The following ESS2 variants were observed in gnomAD, a reference collection of about 807,000 sequenced individuals.
ESS2 encodes ess-2 spliceosome associated protein.
A neutral mutation model predicts 52.0 loss-of-function variants in ESS2; 31 were observed. The observed-to-expected ratio is 0.60, with a 90% CI of 0.45 to 0.81. The LOEUF is 0.81. Among genes scored for constraint, ESS2 ranks in the 30% least tolerant of loss-of-function variants. The pLI is 0.00. For missense variants in ESS2, 602 were observed against 637.2 expected (o/e 0.94, Z 0.59); for synonymous variants, 285 against 259.2 (o/e 1.10, Z -0.95).
rs747353336 is a variant in ESS2 at position 19,144,496 on chromosome 22, G to A, written c.135+10C>T. On this transcript the variant is annotated intron_variant, in intron 1 of 9. Transcript: ENST00000252137. ...CCCAGAAGTCGCCGGCGTCCGCACC[G>A]AGGTCGTACCTCGATATACTCTTCC... The A allele has an allele frequency of 1.9e-6, 3 of 1,611,232 alleles. No individual in the cohort carries two copies. The highest frequency in any genetic ancestry group is 2.2e-5 in the South Asian group (2 of 91,042).
At chr22:19,140,758 C>T (rs2083672572) in intron 3 of ESS2, among the ~76,000 whole-genome samples, 1 of 152,222 alleles carries the variant, frequency 6.6e-6, no homozygotes, top group African/African-American at 2.4e-5. Flanking sequence ...AGGCTATGCA[C>T]AAGGCACAGT....
Position 19,139,944 on chromosome 22 carries a change from C to T in ESS2, c.481G>A (p.Ala161Thr), listed in dbSNP as rs2083655614. Residue 161 changes from alanine (A) to threonine (T), a missense_variant, in exon 4 of 10, where the codon GCC (alanine) becomes ACC (threonine). Transcript: ENST00000252137. ...ACCTCCATGATCTCCTGGAAGGAGG[C>T]ATTGTCCTCACTCGTGTAGCGGCTC... ...FLSRYTSEDNASFQEIMEVAK... is the reference protein window; with the variant it reads ...FLSRYTSEDNTSFQEIMEVAK... 1 of 1,614,068 alleles carries T rather than the reference C, an allele frequency of 6.2e-7. No individual in the cohort carries two copies.
At chr22:19,139,563 A>C in intron 5 of ESS2, 49 bp downstream of exon 5, 1 of 1,551,536 alleles carries the variant, frequency 6.4e-7, no homozygotes, top group Non-Finnish European at 8.9e-7. Flanking sequence ...CCAGACACAC[A>C]CAGCTCTACC....
intron 1 of ESS2, among the ~76,000 whole-genome samples, chr22:19,143,120 G>C (rs1236339111): frequency 6.8e-5 from 10 of 146,636 alleles, no homozygotes; most frequent in Non-Finnish European, 4.4e-5. Flanking sequence ...CAGAAGAATC[G>C]CTTAAACTCG....
chr22:19,140,075 A>C, intron 3 of ESS2, 51 bp from the exon 4 acceptor site: 1 of 1,595,778 alleles, frequency 6.3e-7, no homozygotes, highest in Non-Finnish European at 8.5e-7. Context: ...CAGTCAGGAA[A>C]GAGGAGGACA....
In ESS2 at chr22:19,134,253, G is replaced by T. The variant is rs768834089; in HGVS notation, c.1374C>A (p.Ser458=). The change falls in exon 10 of 10, where the codon TCC becomes TCA. Residue 458 remains serine, a synonymous_variant. Coordinates refer to ENST00000252137, the MANE Select transcript of ESS2 (RefSeq NM_022719.3). ...GGAGCTGCAGCAGGTTGTCCGTGATGGAGGCCGGGTCCTGTGTGAGAGGGG... is the reference window on the plus strand; with the variant it reads ...GGAGCTGCAGCAGGTTGTCCGTGATTGAGGCCGGGTCCTGTGTGAGAGGGG... ...TRTPLTQDPA[S]ITDNLLQLPA... 7.1e-6 allele frequency: 11 copies of T among 1,558,826 alleles called. No homozygotes were observed. The highest frequency in any genetic ancestry group is 9.6e-6 in the Non-Finnish European group (11 of 1,149,888).
intron 1 of ESS2, among the ~76,000 whole-genome samples, 172 bp from the exon 2 acceptor site, chr22:19,143,066 G>C (rs1282478138): frequency 1.3e-5 from 2 of 152,000 alleles, no homozygotes; most frequent in Admixed American, 6.6e-5. Context: ...TTAGCCGGGC[G>C]TGGTGGCAGG....
intron 5 of ESS2, 61 bp from the exon 6 acceptor site, chr22:19,139,353 G>C: frequency 1.3e-6 from 2 of 1,508,832 alleles, no homozygotes; most frequent in Non-Finnish European, 1.8e-6. Context: ...AGGAGCATGA[G>C]GAGCTCGCTT....
In ESS2 at chr22:19,131,817, G is replaced by A. The variant is rs200075245; in HGVS notation, c.*2379C>T. 9.3e-6 allele frequency: 15 copies of A among 1,614,008 alleles called. No homozygotes were observed. The highest frequency in any genetic ancestry group is 1.3e-5 in the African/African-American group (1 of 74,904). On this transcript the variant is annotated 3_prime_UTR_variant, in exon 10 of 10. Transcript: ENST00000252137. This position sits in a 1 kb window ranked among gnomAD's most constrained non-coding sequence, Gnocchi z 5.7. Reference sequence around the variant, plus strand: ...CATCGTCCACCGGGACCTCAAGTGCGAGAACCTTCTCCTCGACAAGGACTT... The same window carrying A: ...CATCGTCCACCGGGACCTCAAGTGCAAGAACCTTCTCCTCGACAAGGACTT...
Position 19,139,194 on chromosome 22 carries a change from A to G in ESS2, c.787T>C (p.Cys263Arg), listed in dbSNP as rs762361491. ...RDPFSQALSR[C>R]QLQQAAALNA... ...AGGGCGGCTGCCTGCTGGAGCTGGC[A>G]CCTGCTCAGGGCTTGGCTGAAGGGG... Residue 263 changes from cysteine (C) to arginine (R), a missense_variant, in exon 6 of 10, where the codon TGC (cysteine) becomes CGC (arginine). By Grantham distance (180) the Cys-to-Arg change is radical (BLOSUM62 -3). Coordinates refer to ENST00000252137, the MANE Select transcript of ESS2 (RefSeq NM_022719.3). 3.1e-6 allele frequency: 5 copies of G among 1,605,696 alleles called. No homozygotes were observed. Among genetic ancestry groups the G allele is most frequent in the Non-Finnish European group, 4.3e-6 (5 of 1,175,852 alleles).
intron 8 of ESS2, 106 bp from the exon 9 acceptor site, chr22:19,135,281 T>C: frequency 4.5e-6 from 4 of 880,168 alleles, no homozygotes; most frequent in Non-Finnish European, 5.3e-6. Context: ...CTTTGTTGCC[T>C]ACAAAACCCC....
chr22:19,136,031 TAA>T lies in ESS2; in HGVS notation c.1036-858_1036-857del, dbSNP rs377121962. 3.3e-4 allele frequency among the ~76,000 whole-genome samples: 31 copies of T among 92,540 alleles called. 1 individual carries two copies. The South Asian group carries it at 9.3e-3, about 28-fold the overall frequency. The allele number at this position is 92,540 out of a possible 152,430, so 60.7% of individuals were successfully genotyped here. On this transcript the variant is annotated intron_variant, in intron 8 of 9. Coordinates refer to ENST00000252137, the MANE Select transcript of ESS2 (RefSeq NM_022719.3). ...GGCAACAGAGTGAAACCCTATCTGT[TAA>T]AAAAAAAAAAAAAAAAAAAAAAGAG...
At chr22:19,138,923 C>T (rs1309295938) in intron 6 of ESS2, among the ~76,000 whole-genome samples, 5 of 152,212 alleles carry the variant, frequency 3.3e-5, no homozygotes, top group Non-Finnish European at 5.9e-5. Context: ...TTCTCTCCTG[C>T]CCCTGCCATC....
chr22:19,137,016 A>G (rs1000008133), intron 8 of ESS2, among the ~76,000 whole-genome samples: 1 of 152,104 alleles, frequency 6.6e-6, no homozygotes, highest in Non-Finnish European at 1.5e-5. Flanking sequence ...TATGGCCCTC[A>G]GGCCTGCAGA....
rs1287762718 is a variant in ESS2 at position 19,139,990 on chromosome 22, C to T, written c.435G>A (p.Leu145=). 1 of 1,613,976 alleles carries T rather than the reference C, an allele frequency of 6.2e-7. No homozygotes were observed. Among genetic ancestry groups the T allele is most frequent in the South Asian group, 1.1e-5 (1 of 91,090 alleles). ...GGCTCAGGAAGACATCTAGGCTGGG[C>T]AGCGGCTCCTTCTCCTCCTCCTCTC... is the stretch of plus-strand genomic sequence containing the variant. ...EAGEEEEKEP[L]PSLDVFLSRY... Residue 145 remains leucine, a synonymous_variant, in exon 4 of 10, where the codon CTG becomes CTA. Transcript: ENST00000252137.
chr22:19,144,384 C>G, intron 1 of ESS2, 122 bp downstream of exon 1: 1 of 1,551,818 alleles, frequency 6.4e-7, no homozygotes, highest in South Asian at 1.2e-5. Flanking sequence ...TGGGACCGTC[C>G]ACACCCGGCT....
rs1029580611 is a variant in ESS2 at position 19,142,837 on chromosome 22, G to A, written c.193C>T (p.Gln65Ter). 1.1e-5 allele frequency: 18 copies of A among 1,614,084 alleles called. No homozygotes were observed. The highest frequency in any genetic ancestry group is 1.5e-5 in the Non-Finnish European group (18 of 1,180,036). ...FFPDVEKLQA[Q>*]KEYLEAEENG... ...TCCTCGGCTTCCAGGTACTCCTTCTGTGCCTGGAGCTTCTCCACATCAGGA... is the reference window on the plus strand; with the variant it reads ...TCCTCGGCTTCCAGGTACTCCTTCTATGCCTGGAGCTTCTCCACATCAGGA... The change falls in exon 2 of 10, where the codon CAG becomes TAG. Residue 65 changes from glutamine to a stop codon, truncating the protein, a stop_gained. Coordinates refer to ENST00000252137, the MANE Select transcript of ESS2 (RefSeq NM_022719.3). LOFTEE classifies it high-confidence loss of function.
In ESS2 at chr22:19,142,588, G is replaced by C. The variant is rs766028339; in HGVS notation, c.350C>G (p.Thr117Ser). Residue 117 changes from threonine to serine, a missense_variant, in exon 3 of 10, where the codon ACT (threonine) becomes AGT (serine). Transcript: ENST00000252137. ...CCTGGGCTTGTTGCCCACCACTCCA[G>C]TGCCTGCATGCACCTCAGGGGTTTC... ...TFETPEVHAG[T>S]GVVGNKPRPR... 4.3e-6 allele frequency: 7 copies of C among 1,613,632 alleles called. No individual in the cohort carries two copies. In the South Asian group the frequency reaches 7.7e-5, roughly 18 times the overall value.
chr22:19,140,223 C>T (rs944012026), intron 3 of ESS2, among the ~76,000 whole-genome samples, 199 bp from the exon 4 acceptor site: 3 of 152,196 alleles, frequency 2.0e-5, no homozygotes, highest in African/African-American at 7.2e-5. Context: ...GCCCAGAGAG[C>T]CCTCAGGTGG....
Sources: gnomAD v4.1 joint callset for allele counts (sites outside exome capture counted in the v4.1 genomes callset) on GRCh38, gnomAD v4.1.1 for gene constraint, Gnocchi (gnomAD v3.1) non-coding constraint, MANE v1.5 for transcripts, NCBI Gene and HGNC (gene_info 2026-07-23, HGNC 2026-07-21) for gene names.